Variants in ITPR3 observed in about 807,000 individuals in gnomAD.
The protein encoded by ITPR3 is inositol 1,4,5-trisphosphate receptor type 3.
ITPR3 carries 173 observed loss-of-function variants against 293.2 expected under a neutral mutation model. The observed-to-expected ratio is 0.59, with a 90% CI of 0.52 to 0.67. The LOEUF (loss-of-function observed/expected upper bound fraction) is 0.67. Among genes scored for constraint, ITPR3 ranks in the 30% least tolerant of loss-of-function variants. The probability of loss-of-function intolerance (pLI) is 0.00; values close to 1 mark genes in which losing one functional copy is unlikely to be tolerated. For missense variants in ITPR3, 2,796 were observed against 3,592.1 expected (o/e 0.78, Z 5.66); for synonymous variants, 1,295 against 1,444.4 (o/e 0.90, Z 2.35).
chr6:33,621,395 C>T lies in ITPR3; in HGVS notation c.-208C>T, dbSNP rs1763431515. The T allele has an allele frequency of 3.3e-6, 1 of 307,362 alleles. No individual in the cohort carries two copies. Among genetic ancestry groups the T allele is most frequent in the African/African-American group, 2.2e-5 (1 of 45,234 alleles). 19.0% of individuals were successfully genotyped at this position (307,362 alleles called of 1,614,324 possible). A position where few individuals can be genotyped will look rare whatever the true frequency, so the allele number is the denominator to read the frequency against. On this transcript the variant is annotated 5_prime_UTR_variant, in exon 1 of 58. In the 5' UTR this introduces an upstream ATG that the reference lacks. Transcript: ENST00000605930. This position sits in a 1 kb window ranked among gnomAD's most constrained non-coding sequence, Gnocchi z 7.7. Reference sequence around the variant, plus strand: ...CGGGCGGGCGGCGGGCGCGCCAAGACGTGGGCACCTCCTCACCCGGACCCC... The same window carrying T: ...CGGGCGGGCGGCGGGCGCGCCAAGATGTGGGCACCTCCTCACCCGGACCCC...
At chr6:33,642,654 C>G (rs11755817) in intron 2 of ITPR3, among the ~76,000 whole-genome samples, 13,242 of 152,134 alleles carry the variant, frequency 0.087, 686 homozygotes, top group Non-Finnish European at 0.12. Flanking sequence ...CTCCTCTGTC[C>G]TCATTGCGCC....
Position 33,664,926 on chromosome 6 carries a change from A to G in ITPR3, c.1205A>G (p.Asn402Ser), listed in dbSNP as rs1275567037. The G allele has an allele frequency of 3.9e-6, 6 of 1,538,950 alleles. No individual in the cohort carries two copies. Among genetic ancestry groups the G allele is most frequent in the Non-Finnish European group, 4.4e-6 (5 of 1,133,338 alleles). Residue 402 changes from asparagine (N) to serine (S), a missense_variant, in exon 12 of 58, where the codon AAT (asparagine) becomes AGT (serine). Physicochemically the swap from Asn to Ser is conservative, Grantham distance 46 (BLOSUM62 1). Around this residue, in one of 8 missense-constraint regions of ITPR3, gnomAD observed 955 missense variants for 1,180.8 expected, o/e 0.81. Coordinates refer to ENST00000605930, the MANE Select transcript of ITPR3 (RefSeq NM_002224.4). This position sits in a 1 kb window ranked among gnomAD's most constrained non-coding sequence, Gnocchi z 4.4. ...LCTNTWIQSTNVPIDIEEERP... is the reference protein window; with the variant it reads ...LCTNTWIQSTSVPIDIEEERP... Reference sequence around the variant, plus strand: ...ACCAACACGTGGATTCAGAGCACCAATGTGCCCATTGACATCGAGGAGGAG... The same window carrying G: ...ACCAACACGTGGATTCAGAGCACCAGTGTGCCCATTGACATCGAGGAGGAG...
In ITPR3 at chr6:33,665,877, C is replaced by A. The variant is rs774420085; in HGVS notation, c.1452C>A (p.Ser484Arg). The change falls in exon 14 of 58, where the codon AGC (serine) becomes AGA (arginine). Residue 484 changes from serine (S) to arginine (R), a missense_variant. Physicochemically the swap from Ser to Arg is moderately radical, Grantham distance 110. Transcript: ENST00000605930. Reference protein sequence around the residue: ...QLLEDLVFFVSDVPNNGQNVL... With the variant: ...QLLEDLVFFVRDVPNNGQNVL... ...TGGAAGACCTGGTGTTCTTTGTCAG[C>A]GATGTCCCCAACAATGGGCAGAATG... The A allele has an allele frequency of 6.2e-7, 1 of 1,614,154 alleles. No individual in the cohort carries two copies. The highest frequency in any genetic ancestry group is 8.5e-7 in the Non-Finnish European group (1 of 1,180,016).
chr6:33,643,055 G>A (rs1763985176), intron 2 of ITPR3, among the ~76,000 whole-genome samples: 1 of 152,236 alleles, frequency 6.6e-6, no homozygotes, highest in Non-Finnish European at 1.5e-5. Context: ...CTGGAGCCCA[G>A]AAAAGACAAA....
rs149855450 is a variant in ITPR3 at position 33,689,316 on chromosome 6, G to A, written c.6773G>A (p.Arg2258His). 15 of 1,612,636 alleles carry A rather than the reference G, an allele frequency of 9.3e-6. No homozygotes were observed. Among genetic ancestry groups the A allele is most frequent in the East Asian group, 2.2e-5 (1 of 44,886 alleles). ...CFSIAALFTK[R>H]YSIRPLIVAL... ...TCCATCGCGGCCCTGTTCACCAAGC[G>A]CTACAGCATCCGCCCCCTCATCGTG... Residue 2258 changes from arginine to histidine, a missense_variant, in exon 50 of 58, where the codon CGC becomes CAC. Arg to His is a conservative substitution (Grantham distance 29). Transcript: ENST00000605930.
At position 33,689,344 on chromosome 6, in the gene ITPR3, G is replaced by A. The variant is rs761992573; in HGVS notation, c.6801G>A (p.Ala2267=). The change falls in exon 50 of 58, where the codon GCG becomes GCA. Residue 2267 remains alanine, a synonymous_variant. Coordinates refer to ENST00000605930, the MANE Select transcript of ITPR3 (RefSeq NM_002224.4). The part of the protein sequence containing the change: ...KRYSIRPLIV[A]LILRSIYYLG... ...ACAGCATCCGCCCCCTCATCGTGGCGCTCATCCTGCGCTCCATCTACTATC... is the reference window on the plus strand; with the variant it reads ...ACAGCATCCGCCCCCTCATCGTGGCACTCATCCTGCGCTCCATCTACTATC... The A allele has an allele frequency of 1.6e-5, 26 of 1,612,394 alleles. No individual in the cohort carries two copies. The highest frequency in any genetic ancestry group is 1.1e-4 in the East Asian group (5 of 44,888).
chr6:33,687,293 A>G lies in ITPR3; in HGVS notation c.6143A>G (p.Glu2048Gly), dbSNP rs776432976. 1.2e-6 allele frequency: 2 copies of G among 1,613,012 alleles called. No homozygotes were observed. The highest frequency in any genetic ancestry group is 2.7e-5 in the African/African-American group (2 of 74,730). Residue 2048 changes from glutamate (E) to glycine (G), a missense_variant, in exon 45 of 58, where the codon GAA (glutamate) becomes GGA (glycine). Coordinates refer to ENST00000605930, the MANE Select transcript of ITPR3 (RefSeq NM_002224.4). The surrounding 1 kb of genome is among the most constrained non-coding windows in gnomAD (Gnocchi z 5.3). ...GAGAACTCGGAGGTGAGCCCACGTG[A>G]AGTGGGCCATAACATCTATATCCTG... ...ERENSEVSPREVGHNIYILAL... is the reference protein window; with the variant it reads ...ERENSEVSPRGVGHNIYILAL...
At chr6:33,678,371 G>T in intron 28 of ITPR3, 50 bp from the exon 29 acceptor site, 2 of 1,598,956 alleles carry the variant, frequency 1.3e-6, no homozygotes, top group Middle Eastern at 3.4e-4. Context: ...CCAGGGCCTC[G>T]CCTCCCTCCT....
chr6:33,643,079 C>T (rs554285062), intron 2 of ITPR3, among the ~76,000 whole-genome samples: 2 of 152,336 alleles, frequency 1.3e-5, no homozygotes, highest in Admixed American at 1.3e-4. Flanking sequence ...GGAGCTTGGC[C>T]TCAAGCCAGG....
chr6:33,687,018 T>G lies in ITPR3; in HGVS notation c.5989T>G (p.Ser1997Ala). ...DLVLQLKDNA[S>A]KLLLALMESR... is the part of the protein sequence containing the mutation. ...CTGCCCCTCCACCCAGGACAATGCC[T>G]CCAAGCTGCTCCTGGCTCTGATGGA... Residue 1997 changes from serine to alanine, a missense_variant, in exon 44 of 58, where the codon TCC becomes GCC. Coordinates refer to ENST00000605930, the MANE Select transcript of ITPR3 (RefSeq NM_002224.4). The surrounding 1 kb of genome is among the most constrained non-coding windows in gnomAD (Gnocchi z 5.3). The G allele has an allele frequency of 6.2e-7, 1 of 1,613,850 alleles. No homozygotes were observed. Among genetic ancestry groups the G allele is most frequent in the Non-Finnish European group, 8.5e-7 (1 of 1,179,928 alleles).
Position 33,688,437 on chromosome 6 carries a change from G to T in ITPR3, c.6568+6G>T, listed in dbSNP as rs749509104. On this transcript the variant is annotated splice_donor_region_variant and intron_variant, in intron 48 of 57. Transcript: ENST00000605930. Reference sequence around the variant, plus strand: ...GTGGCAGCGCAAGCTCCGCAGTGAGGACCCACGGGCGGGAGGGTGGGGCGG... The same window carrying T: ...GTGGCAGCGCAAGCTCCGCAGTGAGTACCCACGGGCGGGAGGGTGGGGCGG... 2 of 417,980 alleles carry T rather than the reference G, an allele frequency of 4.8e-6. No individual in the cohort carries two copies. Among genetic ancestry groups the T allele is most frequent in the South Asian group, 1.8e-5 (1 of 54,966 alleles). 25.9% of individuals were successfully genotyped at this position (417,980 alleles called of 1,614,324 possible).
intron 22 of ITPR3, among the ~76,000 whole-genome samples, chr6:33,673,274 T>C (rs1313959921): frequency 2.0e-5 from 3 of 152,134 alleles, no homozygotes; most frequent in Admixed American, 6.5e-5. Flanking sequence ...TTCCTGTCAG[T>C]GTCTAGCTTG....
Position 33,670,529 on chromosome 6 carries a change from G to A in ITPR3, c.2394G>A (p.Lys798=). ...CCCAGGAGCTGGTCACGCCGGTCAA[G>A]TTTGCCCGTCTCTGGACTGAGATCC... ...RDPQELVTPV[K]FARLWTEIPT... Residue 798 remains lysine (K), a synonymous_variant, in exon 19 of 58, where the codon AAG becomes AAA. Coordinates refer to ENST00000605930, the MANE Select transcript of ITPR3 (RefSeq NM_002224.4). This position sits in a 1 kb window ranked among gnomAD's most constrained non-coding sequence, Gnocchi z 6.7. 1 of 1,591,234 alleles carries A rather than the reference G, an allele frequency of 6.3e-7. No individual in the cohort carries two copies. Among genetic ancestry groups the A allele is most frequent in the Non-Finnish European group, 8.6e-7 (1 of 1,166,456 alleles).
rs1056942659 is a variant in ITPR3 at position 33,655,459 on chromosome 6, G to A, written c.161-307G>A. Among the ~76,000 whole-genome samples the A allele has an allele frequency of 6.6e-6, 1 of 152,208 alleles. No homozygotes were observed. Among genetic ancestry groups the A allele is most frequent in the Admixed American group, 6.5e-5 (1 of 15,290 alleles). On this transcript the variant is annotated intron_variant, in intron 2 of 57. Transcript: ENST00000605930. The surrounding 1 kb of genome is among the most constrained non-coding windows in gnomAD (Gnocchi z 4.9). The stretch of plus-strand genomic sequence containing the variant: ...CCAATACTCACAAAAGCTGGGCACA[G>A]ACATGGCATAAGGGTGAGGCCCCAG...
intron 1 of ITPR3, among the ~76,000 whole-genome samples, chr6:33,627,917 C>T (rs1479964201): frequency 6.6e-6 from 1 of 152,236 alleles, no homozygotes; most frequent in African/African-American, 2.4e-5. Flanking sequence ...CAGTGCCACA[C>T]ATCCACCTTG....
Position 33,691,222 on chromosome 6 carries a change from T to C in ITPR3, c.7225+113T>C. On this transcript the variant is annotated intron_variant, in intron 52 of 57. Transcript: ENST00000605930. This position sits in a 1 kb window ranked among gnomAD's most constrained non-coding sequence, Gnocchi z 4.9. ...CTTACCTCACCAGGCTCCCGTCTGC[T>C]TCTCCTCTTGGCTTCTGGGGACGTC... is the stretch of plus-strand genomic sequence containing the variant. 4 of 1,041,350 alleles carry C rather than the reference T, an allele frequency of 3.8e-6. No homozygotes were observed. Among genetic ancestry groups the C allele is most frequent in the Non-Finnish European group, 5.7e-6 (4 of 700,970 alleles). The allele number at this position is 1,041,350 out of a possible 1,614,324, so 64.5% of individuals were successfully genotyped here.
intron 1 of ITPR3, among the ~76,000 whole-genome samples, chr6:33,626,079 C>T (rs951289373): frequency 4.6e-5 from 7 of 152,164 alleles, no homozygotes; most frequent in African/African-American, 1.2e-4. Context: ...GGACTACAGG[C>T]GTGTGCTACC....
chr6:33,662,493 C>T (rs773574889), intron 7 of ITPR3, 35 bp from the exon 8 acceptor site: 8 of 1,546,064 alleles, frequency 5.2e-6, no homozygotes, highest in Middle Eastern at 1.8e-4. Flanking sequence ...CTGGAGGGGC[C>T]GCAGCCATCC....
rs1763500794 is a variant in ITPR3 at position 33,624,066 on chromosome 6, C to T, written c.89+2375C>T. The stretch of plus-strand genomic sequence containing the variant: ...TTCCCGCCCTTTAGCAAGCAAGTCT[C>T]CACCTGGGTAAATCTGTCCCACCCT... On this transcript the variant is annotated intron_variant, in intron 1 of 57. Transcript: ENST00000605930. This position sits in a 1 kb window ranked among gnomAD's most constrained non-coding sequence, Gnocchi z 4.7. Among the ~76,000 whole-genome samples, 1 of 152,226 alleles carries T rather than the reference C, an allele frequency of 6.6e-6. No homozygotes were observed. Among genetic ancestry groups the T allele is most frequent in the African/African-American group, 2.4e-5 (1 of 41,454 alleles).
Sources: allele counts gnomAD v4.1 joint callset (sites outside exome capture counted in the v4.1 genomes callset), GRCh38; gene constraint gnomAD v4.1.1; regional missense constraint gnomAD v4.1.1; non-coding constraint Gnocchi (gnomAD v3.1); transcripts MANE v1.5; gene names NCBI Gene and HGNC (gene_info 2026-07-23, HGNC 2026-07-21).